TBC1D4: variants seen among roughly 807,000 people sequenced by gnomAD.
The protein encoded by TBC1D4 is TBC1 domain family member 4.
A neutral mutation model predicts 142.5 loss-of-function variants in TBC1D4; 121 were observed. The observed-to-expected ratio is 0.85, with a 90% CI of 0.73 to 0.99. The LOEUF is 0.99. TBC1D4 is among the 50% of genes least tolerant of loss of function. The pLI is 0.00. For missense variants in TBC1D4, 1,475 were observed against 1,606.6 expected, an observed-to-expected ratio of 0.92 and a Z score of 1.40; for synonymous variants, 630 against 628.2, an observed-to-expected ratio of 1.00 and a Z score of -0.04.
At chr13:75,316,766 G>A (rs1878349378) in intron 12 of TBC1D4, among the ~76,000 whole-genome samples, 1 of 152,212 alleles carries the variant, frequency 6.6e-6, no homozygotes, top group South Asian at 2.1e-4. Context: ...ACTACACTGG[G>A]ATGGGGGTGG....
chr13:75,475,469 T>C (rs996374938), intron 1 of TBC1D4, among the ~76,000 whole-genome samples: 13 of 152,246 alleles, frequency 8.5e-5, no homozygotes, highest in African/African-American at 2.4e-4. Context: ...TTGAGGTTTT[T>C]TTAAGTAAAT....
At chr13:75,397,975 A>G (rs747817045) in intron 1 of TBC1D4, among the ~76,000 whole-genome samples, 9 of 152,226 alleles carry the variant, frequency 5.9e-5, no homozygotes, top group African/African-American at 1.9e-4. Flanking sequence ...TCCAGCAGCT[A>G]TAACAAAAGT....
In TBC1D4 at chr13:75,326,460, C is replaced by A. The variant is rs758337739; in HGVS notation, c.1807-37G>T. 7 of 1,608,854 alleles carry A rather than the reference C, an allele frequency of 4.4e-6. No individual in the cohort carries two copies. The Admixed American group carries it at 5.0e-5, about 12-fold the overall frequency. On this transcript the variant is annotated intron_variant, in intron 9 of 20. Transcript: ENST00000377636. ...GCGGAAGGGAGCCCTTTATTTCCCA[C>A]GTGGGTCATGGCAGACCTGCCAAAA...
chr13:75,307,004 TCTGTACCCC>T (rs1877250304), intron 14 of TBC1D4, among the ~76,000 whole-genome samples: 2 of 152,242 alleles, frequency 1.3e-5, no homozygotes, highest in South Asian at 4.1e-4. Flanking sequence ...AGGGTCTCAC[TCTGTACCCC>T]AAGCTGGAGT....
intron 2 of TBC1D4, among the ~76,000 whole-genome samples, chr13:75,361,072 G>C (rs1478769865): frequency 6.6e-6 from 1 of 152,150 alleles, no homozygotes; most frequent in Non-Finnish European, 1.5e-5. Context: ...TAGGAATTAA[G>C]TTATTTTAAG....
intron 1 of TBC1D4, among the ~76,000 whole-genome samples, chr13:75,401,947 G>A (rs1885113362): frequency 6.6e-6 from 1 of 152,204 alleles, no homozygotes; most frequent in South Asian, 2.1e-4. Flanking sequence ...ATGAAAACCT[G>A]TGGACTTTTG....
At chr13:75,317,987 T>C (rs1454484857) in intron 12 of TBC1D4, among the ~76,000 whole-genome samples, 2 of 152,202 alleles carry the variant, frequency 1.3e-5, no homozygotes, top group African/African-American at 4.8e-5. Flanking sequence ...TTCAAGATAA[T>C]CTTTTAACAT....
intron 8 of TBC1D4, among the ~76,000 whole-genome samples, chr13:75,335,115 A>C (rs975840833): frequency 1.3e-5 from 2 of 151,948 alleles, no homozygotes; most frequent in Admixed American, 1.3e-4. Flanking sequence ...GCTCCCCTCC[A>C]CTGTGGCTCT....
At chr13:75,312,935 A>G (rs1479956603) in intron 12 of TBC1D4, 37 bp from the exon 13 acceptor site, 1 of 1,611,844 alleles carries the variant, frequency 6.2e-7, no homozygotes, top group Middle Eastern at 1.7e-4. Flanking sequence ...TTATAAGGAG[A>G]GCTGCACATC....
At chr13:75,318,776 T>G (rs1328021810) in intron 12 of TBC1D4, among the ~76,000 whole-genome samples, 1 of 152,144 alleles carries the variant, frequency 6.6e-6, no homozygotes, top group Non-Finnish European at 1.5e-5. Context: ...TGGAACAACG[T>G]GTAGATGAAA....
intron 1 of TBC1D4, among the ~76,000 whole-genome samples, chr13:75,465,471 T>G (rs978570241): frequency 4.6e-5 from 7 of 152,170 alleles, no homozygotes; most frequent in Non-Finnish European, 8.8e-5. Flanking sequence ...ATAATCCAGA[T>G]CAAATGACTT....
At chr13:75,412,849 C>A (rs1296011823) in intron 1 of TBC1D4, among the ~76,000 whole-genome samples, 4 of 152,286 alleles carry the variant, frequency 2.6e-5, no homozygotes, top group Admixed American at 1.3e-4. Context: ...TTGTCATAAA[C>A]CACATTTAGG....
intron 1 of TBC1D4, among the ~76,000 whole-genome samples, chr13:75,452,182 G>GC (rs1438544905): frequency 6.6e-6 from 1 of 152,002 alleles, no homozygotes; most frequent in African/African-American, 2.4e-5. Context: ...TATTAAAGGT[G>GC]CTTTAAAATC....
intron 1 of TBC1D4, among the ~76,000 whole-genome samples, chr13:75,455,078 G>A (rs900899607): frequency 6.6e-6 from 1 of 152,140 alleles, no homozygotes; most frequent in Non-Finnish European, 1.5e-5. Context: ...TGATCAGAAA[G>A]ATCAAAATAT....
chr13:75,334,856 G>A (rs955446174), intron 8 of TBC1D4, among the ~76,000 whole-genome samples: 1 of 152,090 alleles, frequency 6.6e-6, no homozygotes, highest in East Asian at 1.9e-4. Flanking sequence ...CCTCCAAGTT[G>A]AATCCAACAC....
intron 7 of TBC1D4, among the ~76,000 whole-genome samples, chr13:75,339,727 C>G (rs1880524251): frequency 6.9e-6 from 1 of 145,120 alleles, no homozygotes; most frequent in Admixed American, 6.8e-5. Context: ...AGGCACACAC[C>G]ACCACACCGG....
intron 1 of TBC1D4, among the ~76,000 whole-genome samples, chr13:75,391,623 C>T (rs1427861345): frequency 6.6e-6 from 1 of 152,324 alleles, no homozygotes; most frequent in African/African-American, 2.4e-5. Context: ...TCCTTCTCAT[C>T]TCTCAGAACT....
At chr13:75,323,992 A>C (rs1879000680) in intron 11 of TBC1D4, among the ~76,000 whole-genome samples, 1 of 152,192 alleles carries the variant, frequency 6.6e-6, no homozygotes, top group Admixed American at 6.5e-5. Flanking sequence ...CGAAACACAC[A>C]AACAATACAA....
In TBC1D4 at chr13:75,324,384, C is replaced by T. The variant is rs1879043494; in HGVS notation, c.2051G>A (p.Arg684Gln). The change falls in exon 11 of 21, where the codon CGA becomes CAA. Residue 684 changes from arginine to glutamine, a missense_variant. By Grantham distance (43) the Arg-to-Gln change is conservative. Transcript: ENST00000377636. ...SEQCSNLSSV[R>Q]RMYKESNSSS... ...AGAATTACTCTCCTTGTACATGCGT[C>T]GAACTGACGAAAGATTGCTGAGTAC... 1 of 1,613,816 alleles carries T rather than the reference C, an allele frequency of 6.2e-7. No homozygotes were observed. Among genetic ancestry groups the T allele is most frequent in the African/African-American group, 1.3e-5 (1 of 75,004 alleles).
Sources: allele counts gnomAD v4.1 joint callset (sites outside exome capture counted in the v4.1 genomes callset), GRCh38; gene constraint gnomAD v4.1.1; transcripts MANE v1.5; gene names NCBI Gene and HGNC (gene_info 2026-07-23, HGNC 2026-07-21).